CACNA1E: variants seen among roughly 807,000 people sequenced by gnomAD.
CACNA1E encodes calcium voltage-gated channel subunit alpha1 E.
A neutral mutation model predicts 259.2 loss-of-function variants in CACNA1E; 40 were observed. The ratio of observed to expected loss-of-function variants is 0.15; its 90% CI spans 0.12 to 0.20. The LOEUF is 0.20. CACNA1E is among the 10% of genes least tolerant of loss of function. The pLI is 1.00. For missense variants in CACNA1E, 1,874 were observed against 3,040.1 expected (o/e 0.62, Z 9.02); for synonymous variants, 1,104 against 1,138.5 (o/e 0.97, Z 0.61).
At chr1:181,472,527 G>A (rs1371693502) in intron 2 of CACNA1E, among the ~76,000 whole-genome samples, 1 of 151,460 alleles carries the variant, frequency 6.6e-6, no homozygotes, top group East Asian at 1.9e-4. Flanking sequence ...AAAAAAGGAA[G>A]TTGTCTTTTG....
At chr1:181,762,369 A>C (rs1360774925) in intron 32 of CACNA1E, among the ~76,000 whole-genome samples, 2 of 152,268 alleles carry the variant, frequency 1.3e-5, no homozygotes, top group Non-Finnish European at 2.9e-5. Flanking sequence ...ACTGCTTTCC[A>C]AATGAGAAAT....
chr1:181,567,960 T>C (rs1387468135), intron 3 of CACNA1E, among the ~76,000 whole-genome samples: 1 of 152,106 alleles, frequency 6.6e-6, no homozygotes, highest in Non-Finnish European at 1.5e-5. Flanking sequence ...TACACACATA[T>C]ATATACACAC....
intron 1 of CACNA1E, among the ~76,000 whole-genome samples, chr1:181,497,971 C>T (rs1664913810): frequency 6.8e-6 from 1 of 148,124 alleles, no homozygotes; most frequent in South Asian, 2.1e-4. Context: ...TTTTGTCTTT[C>T]CCCCGCCAAA....
intron 1 of CACNA1E, among the ~76,000 whole-genome samples, chr1:181,393,154 A>G (rs2102047236): frequency 6.6e-6 from 1 of 152,342 alleles, no homozygotes; most frequent in South Asian, 2.1e-4. Context: ...AAATGTGTTT[A>G]TCAGCTAAAT....
chr1:181,405,970 G>T (rs1173074782), intron 1 of CACNA1E, among the ~76,000 whole-genome samples: 8 of 152,188 alleles, frequency 5.3e-5, no homozygotes, highest in Admixed American at 3.3e-4. Context: ...GTATCCATTT[G>T]TTTATATATT....
intron 1 of CACNA1E, among the ~76,000 whole-genome samples, chr1:181,402,701 A>T (rs1444111444): frequency 6.6e-6 from 1 of 152,220 alleles, no homozygotes; most frequent in African/African-American, 2.4e-5. Context: ...TGGCACAAAC[A>T]TGTATGAACT....
chr1:181,525,927 C>G (rs963111655), intron 3 of CACNA1E, among the ~76,000 whole-genome samples: 1 of 152,126 alleles, frequency 6.6e-6, no homozygotes, highest in Non-Finnish European at 1.5e-5. Flanking sequence ...AGTTTGGTCT[C>G]AGGTTTATAG....
intron 2 of CACNA1E, among the ~76,000 whole-genome samples, chr1:181,462,388 T>C (rs2102380012): frequency 6.6e-6 from 1 of 152,326 alleles, no homozygotes; most frequent in African/African-American, 2.4e-5. Context: ...GTGAATGAGA[T>C]TGCACTCATC....
At chr1:181,570,299 G>C (rs1238664872) in intron 3 of CACNA1E, among the ~76,000 whole-genome samples, 1 of 151,966 alleles carries the variant, frequency 6.6e-6, no homozygotes, top group Non-Finnish European at 1.5e-5. Flanking sequence ...TGGGTGCAGG[G>C]GGACTTAACC....
At chr1:181,505,751 G>A (rs1353744332) in intron 1 of CACNA1E, among the ~76,000 whole-genome samples, 1 of 152,008 alleles carries the variant, frequency 6.6e-6, no homozygotes, top group Non-Finnish European at 1.5e-5. Flanking sequence ...GGTCATGTGT[G>A]TCTACAGTGG....
intron 3 of CACNA1E, among the ~76,000 whole-genome samples, chr1:181,543,949 T>C (rs1668784608): frequency 6.6e-6 from 1 of 152,228 alleles, no homozygotes; most frequent in Non-Finnish European, 1.5e-5. Flanking sequence ...ATGGACCATA[T>C]GACCCAGCTA....
intron 6 of CACNA1E, among the ~76,000 whole-genome samples, chr1:181,614,566 T>G (rs1655039149): frequency 6.6e-6 from 1 of 152,228 alleles, no homozygotes; most frequent in Non-Finnish European, 1.5e-5. Flanking sequence ...ACACTTGAGC[T>G]CATTGCAATA....
At chr1:181,415,799 C>T (rs1658224901) in intron 2 of CACNA1E, among the ~76,000 whole-genome samples, 1 of 152,120 alleles carries the variant, frequency 6.6e-6, no homozygotes, top group African/African-American at 2.4e-5. Flanking sequence ...CATGGCTTTT[C>T]CCCTCACCAC....
chr1:181,353,433 A>G (rs2804700), intron 1 of CACNA1E, among the ~76,000 whole-genome samples: 3,540 of 152,302 alleles, frequency 0.023, 132 homozygotes, highest in African/African-American at 0.08. Flanking sequence ...GGAGGAAGTC[A>G]TATCTGCTCT....
At chr1:181,673,130 T>A (rs903441116) in intron 7 of CACNA1E, among the ~76,000 whole-genome samples, 3 of 152,210 alleles carry the variant, frequency 2.0e-5, no homozygotes, top group African/African-American at 4.8e-5. Flanking sequence ...AGGAACCATG[T>A]AGAACGTACC....
chr1:181,771,519 C>T lies in CACNA1E; in HGVS notation c.4973+135C>T, dbSNP rs1020442399. ...TCCTGTCAGTAGAAAGGGGAACAGG[C>T]AATGTCTTTGCCAAACTGCCCCTAT... On this transcript the variant is annotated intron_variant, in intron 36 of 47. Coordinates refer to ENST00000367573, the MANE Select transcript of CACNA1E (RefSeq NM_001205293.3). The T allele has an allele frequency of 1.6e-5, 10 of 632,670 alleles. No individual in the cohort carries two copies. The South Asian group carries it at 1.9e-4, about 12-fold the overall frequency. The allele number at this position is 632,670 out of a possible 1,614,324, so 39.2% of individuals were successfully genotyped here. A position where few individuals can be genotyped will look rare whatever the true frequency, so the allele number is the denominator to read the frequency against.
intron 15 of CACNA1E, among the ~76,000 whole-genome samples, chr1:181,721,244 C>G (rs1055806366): frequency 6.6e-6 from 1 of 152,144 alleles, no homozygotes; most frequent in African/African-American, 2.4e-5. Context: ...CATCCCTACT[C>G]CCCCCAAAAC....
At chr1:181,464,721 T>G (rs1454535348) in intron 2 of CACNA1E, among the ~76,000 whole-genome samples, 1 of 152,042 alleles carries the variant, frequency 6.6e-6, no homozygotes, top group Non-Finnish European at 1.5e-5. Flanking sequence ...TTTCTTTACT[T>G]ATTACATTAA....
In CACNA1E at chr1:181,749,988, T is replaced by A. The variant is rs182201329; in HGVS notation, c.3720-488T>A. ...CGTGTCCCTCTTTAGATGAAACCCT[T>A]TATAAGCATAACTGTGCCAGTGTGT... On this transcript the variant is annotated intron_variant, in intron 25 of 47. Transcript: ENST00000367573. Among the ~76,000 whole-genome samples, 7 of 152,360 alleles carry A rather than the reference T, an allele frequency of 4.6e-5. No individual in the cohort carries two copies. The East Asian group carries it at 1.3e-3, about 29-fold the overall frequency.
Sources: allele counts gnomAD v4.1 joint callset (sites outside exome capture counted in the v4.1 genomes callset), GRCh38; gene constraint gnomAD v4.1.1; transcripts MANE v1.5; gene names NCBI Gene and HGNC (gene_info 2026-07-23, HGNC 2026-07-21).